The following BCKDHB variants were observed in gnomAD, a reference collection of about 807,000 sequenced individuals.
BCKDHB encodes 2-oxoisovalerate dehydrogenase subunit beta, mitochondrial.
BCKDHB carries 41 observed loss-of-function variants against 48.5 expected under a neutral mutation model. The observed-to-expected ratio is 0.85, with a 90% CI of 0.66 to 1.10. The LOEUF (loss-of-function observed/expected upper bound fraction) is 1.10. BCKDHB is among the 50% of genes least tolerant of loss of function. The pLI is 0.00. For missense variants in BCKDHB, 496 were observed against 494.2 expected, an observed-to-expected ratio of 1.00 and a Z score of -0.03; for synonymous variants, 201 against 174.8, an observed-to-expected ratio of 1.15 and a Z score of -1.18.
At chr6:80,426,353 GTCT>G in the BCKDHB span, among the ~76,000 whole-genome samples, 166 of 151,806 alleles carry the variant, frequency 1.1e-3, 1 homozygote, top group African/African-American at 4.0e-3. Flanking sequence ...CTTTATTATT[GTCT>G]TCTTCTCTTT....
At chr6:80,166,859 G>A (rs973809897) in intron 3 of BCKDHB, among the ~76,000 whole-genome samples, 2 of 152,136 alleles carry the variant, frequency 1.3e-5, no homozygotes, top group South Asian at 2.1e-4. Context: ...GCTTCTGGGT[G>A]CAGTGTCCTT....
chr6:80,127,500 T>C, intron 1 of BCKDHB, 47 bp from the exon 2 acceptor site: 1 of 1,487,242 alleles, frequency 6.7e-7, no homozygotes, highest in Non-Finnish European at 9.4e-7. Flanking sequence ...TGGTTGTTTT[T>C]ATGTATTTTA....
At chr6:80,129,936 T>G (rs916381313) in intron 3 of BCKDHB, among the ~76,000 whole-genome samples, 2 of 152,182 alleles carry the variant, frequency 1.3e-5, no homozygotes, top group African/African-American at 4.8e-5. Context: ...TGACCAAATA[T>G]TAATAATTGG....
chr6:80,218,143 C>T (rs73482029), intron 8 of BCKDHB, among the ~76,000 whole-genome samples: 10,905 of 152,118 alleles, frequency 0.072, 577 homozygotes, highest in South Asian at 0.24. Flanking sequence ...CGCCACTTCT[C>T]ACTGGAAACA....
chr6:80,422,925 C>T, the BCKDHB span, among the ~76,000 whole-genome samples: 2 of 152,084 alleles, frequency 1.3e-5, no homozygotes, highest in East Asian at 3.9e-4. Context: ...TGAGTTAAGA[C>T]TTTGGGGGAC....
At chr6:80,405,823 C>G in the BCKDHB span, among the ~76,000 whole-genome samples, 5 of 152,164 alleles carry the variant, frequency 3.3e-5, no homozygotes, top group East Asian at 3.9e-4. Flanking sequence ...CACTTCCTTG[C>G]TCTCCATGTC....
At chr6:80,155,432 A>G (rs1366395033) in intron 3 of BCKDHB, among the ~76,000 whole-genome samples, 1 of 152,144 alleles carries the variant, frequency 6.6e-6, no homozygotes. Flanking sequence ...AAGGGAAGCA[A>G]TTGTTGATTC....
chr6:80,201,151 G>A, intron 7 of BCKDHB, 120 bp downstream of exon 7: 1 of 802,644 alleles, frequency 1.2e-6, no homozygotes, highest in Non-Finnish European at 2.1e-6. Flanking sequence ...TAAGTCTGGT[G>A]CTACTGATGC....
chr6:80,252,781 T>C (rs1582444319), intron 8 of BCKDHB, among the ~76,000 whole-genome samples: 1 of 152,164 alleles, frequency 6.6e-6, no homozygotes, highest in East Asian at 1.9e-4. Flanking sequence ...ACTAAATGAG[T>C]AACATAAATA....
intron 8 of BCKDHB, among the ~76,000 whole-genome samples, chr6:80,240,120 A>AT (rs1232665952): frequency 6.6e-6 from 1 of 151,888 alleles, no homozygotes; most frequent in Admixed American, 6.6e-5. Flanking sequence ...TTTAAAGTAG[A>AT]TTTTTTCCAA....
In BCKDHB at chr6:80,344,754, C is replaced by A. The variant is rs1770111474; in HGVS notation, c.*950C>A. 1 of 152,266 alleles carries A rather than the reference C, an allele frequency of 6.6e-6. No homozygotes were observed. The highest frequency in any genetic ancestry group is 6.5e-5 in the Admixed American group (1 of 15,294). The allele number at this position is 152,266 out of a possible 1,614,324, so 9.4% of individuals were successfully genotyped here. On this transcript the variant is annotated 3_prime_UTR_variant, in exon 10 of 10. Transcript: ENST00000320393. ...GTTTAGATTGCAAGTGTACTTTATA[C>A]CATTGTTTCAACTTCAACCTTTATT...
Position 80,200,941 on chromosome 6 carries a change from A to C in BCKDHB, c.750A>C (p.Glu250Asp). 1 of 1,608,328 alleles carries C rather than the reference A, an allele frequency of 6.2e-7. No homozygotes were observed. The change falls in exon 7 of 10, where the codon GAA becomes GAC. Residue 250 changes from glutamate (E) to aspartate (D), a missense_variant. Coordinates refer to ENST00000320393, the MANE Select transcript of BCKDHB (RefSeq NM_183050.4). The stretch of plus-strand genomic sequence containing the variant: ...TTCCTGTTCTGTATTTAGCGGAAGA[A>C]GTCCCTATAGAACCATACAACATCC... ...PKILYRAAAE[E>D]VPIEPYNIPL...
In BCKDHB at chr6:80,309,299, A is replaced by C. The variant is rs185386406; in HGVS notation, c.1039-34365A>C. 2.0e-5 allele frequency among the ~76,000 whole-genome samples: 3 copies of C among 151,772 alleles called. No individual in the cohort carries two copies. The South Asian group carries it at 6.2e-4, about 32-fold the overall frequency. On this transcript the variant is annotated intron_variant, in intron 9 of 9. Transcript: ENST00000320393. Reference sequence around the variant, plus strand: ...AGGCTGGTCTTGGACTCCTGACCTCAGGTGATCTGCCCACCTTGGCCTCCC... The same window carrying C: ...AGGCTGGTCTTGGACTCCTGACCTCCGGTGATCTGCCCACCTTGGCCTCCC...
At chr6:80,415,775 T>C in the BCKDHB span, among the ~76,000 whole-genome samples, 1 of 152,134 alleles carries the variant, frequency 6.6e-6, no homozygotes, top group African/African-American at 2.4e-5. Context: ...TCCAGATAAT[T>C]CTGACCTCAT....
intron 8 of BCKDHB, among the ~76,000 whole-genome samples, chr6:80,230,026 G>GGT (rs1775846730): frequency 1.6e-5 from 1 of 60,646 alleles, no homozygotes; most frequent in African/African-American, 6.9e-5. Flanking sequence ...TTTTTAGGTT[G>GGT]TTTTTTTTTT....
At chr6:80,426,690 T>C in the BCKDHB span, among the ~76,000 whole-genome samples, 2 of 152,158 alleles carry the variant, frequency 1.3e-5, no homozygotes, top group East Asian at 3.8e-4. Flanking sequence ...GAACACACTT[T>C]ATACAAATTT....
In BCKDHB at chr6:80,329,686, C is replaced by T. The variant is rs2128007986; in HGVS notation, c.1039-13978C>T. 2.0e-5 allele frequency among the ~76,000 whole-genome samples: 3 copies of T among 152,264 alleles called. 1 individual carries two copies. In the South Asian group the frequency reaches 6.2e-4, roughly 32 times the overall value. On this transcript the variant is annotated intron_variant, in intron 9 of 9. Coordinates refer to ENST00000320393, the MANE Select transcript of BCKDHB (RefSeq NM_183050.4). ...TAACTGGATCTCACCAGGCTCCTTT[C>T]TGCATTCCTAGCTTTGTACTTGCTG...
chr6:80,352,226 G>A, the BCKDHB span, among the ~76,000 whole-genome samples: 1 of 151,858 alleles, frequency 6.6e-6, no homozygotes, highest in East Asian at 1.9e-4. Context: ...CCATCTGCCT[G>A]TCTCTGCGTC....
chr6:80,257,003 G>T (rs547053424), intron 8 of BCKDHB, among the ~76,000 whole-genome samples: 5 of 152,238 alleles, frequency 3.3e-5, no homozygotes, highest in Admixed American at 2.6e-4. Flanking sequence ...TCTATCATTA[G>T]TTACACATAC....
Sources: allele counts gnomAD v4.1 joint callset (sites outside exome capture counted in the v4.1 genomes callset), GRCh38; gene constraint gnomAD v4.1.1; transcripts MANE v1.5; gene names NCBI Gene and HGNC (gene_info 2026-07-23, HGNC 2026-07-21).